BLTP1: variants seen among roughly 807,000 people sequenced by gnomAD.
The protein encoded by BLTP1 is bridge-like lipid transfer protein family member 1.
At chr4:122,257,487 T>A in the BLTP1 span, 4 of 1,613,928 alleles carry the variant, frequency 2.5e-6, no homozygotes, top group South Asian at 4.4e-5. Context: ...GAATTTGAGT[T>A]CGATGCAGGT....
the BLTP1 span, among the ~76,000 whole-genome samples, chr4:122,294,897 A>G: frequency 6.6e-6 from 1 of 152,204 alleles, no homozygotes; most frequent in East Asian, 1.9e-4. Context: ...GATAACCAAA[A>G]TAGCCATTTT....
At chr4:122,274,586 A>T in the BLTP1 span, 2 of 1,345,364 alleles carry the variant, frequency 1.5e-6, no homozygotes, top group Non-Finnish European at 1.9e-6. Flanking sequence ...CACCAAATAA[A>T]ATATTTTAGA....
At chr4:122,318,349 C>T in the BLTP1 span, 1 of 1,087,338 alleles carries the variant, frequency 9.2e-7, no homozygotes, top group Non-Finnish European at 1.4e-6. Flanking sequence ...GTACCAGGTA[C>T]CATCTAAAGC....
the BLTP1 span, among the ~76,000 whole-genome samples, chr4:122,303,428 C>T: frequency 6.6e-6 from 1 of 152,192 alleles, no homozygotes; most frequent in African/African-American, 2.4e-5. Flanking sequence ...ATGCCTAACA[C>T]ATTTCTTCTG....
chr4:122,166,342 A>C, the BLTP1 span, among the ~76,000 whole-genome samples: 7,585 of 152,170 alleles, frequency 0.05, 271 homozygotes, highest in Non-Finnish European at 0.074. Context: ...TCCTTTCCCC[A>C]TTTCTTGATT....
At chr4:122,254,795 T>C in the BLTP1 span, 10 of 1,521,672 alleles carry the variant, frequency 6.6e-6, no homozygotes, top group Non-Finnish European at 8.8e-6. Flanking sequence ...TTTTTATTTA[T>C]GTTAAAAAGG....
At chr4:122,269,558 CTTAT>C in the BLTP1 span, 1 of 985,162 alleles carries the variant, frequency 1.0e-6, no homozygotes, top group African/African-American at 1.7e-5. Context: ...ATCTTAAGCT[CTTAT>C]TTATTTGGAG....
chr4:122,173,266 C>T, the BLTP1 span: 1 of 1,109,692 alleles, frequency 9.0e-7, no homozygotes, highest in South Asian at 1.5e-5. Context: ...TAAAGAGAAG[C>T]AATTTATGTC....
At chr4:122,291,766 C>G in the BLTP1 span, 1 of 974,124 alleles carries the variant, frequency 1.0e-6, no homozygotes, top group South Asian at 4.7e-5. Context: ...ACATAAAATA[C>G]TATGGAATTA....
the BLTP1 span, chr4:122,243,049 C>A: frequency 6.2e-7 from 1 of 1,612,472 alleles, no homozygotes; most frequent in African/African-American, 1.3e-5. Flanking sequence ...AGGCATGCAA[C>A]TTTCAGGATC....
At chr4:122,279,841 A>G in the BLTP1 span, 1 of 1,614,000 alleles carries the variant, frequency 6.2e-7, no homozygotes, top group Non-Finnish European at 8.5e-7. Flanking sequence ...GGCTGAAGAC[A>G]AACAATGCTG....
At chr4:122,325,089 A>G in the BLTP1 span, 1 of 787,360 alleles carries the variant, frequency 1.3e-6, no homozygotes. Context: ...ATGGGATGCT[A>G]AAGGTTAAGA....
At chr4:122,316,568 A>G in the BLTP1 span, 2 of 915,868 alleles carry the variant, frequency 2.2e-6, no homozygotes, top group South Asian at 1.4e-5. Flanking sequence ...AACTAAATAG[A>G]TTCCTTATGA....
the BLTP1 span, among the ~76,000 whole-genome samples, chr4:122,269,917 A>G: frequency 6.6e-6 from 1 of 152,212 alleles, no homozygotes; most frequent in African/African-American, 2.4e-5. Context: ...CTTGTCAGGC[A>G]AATTGTTATG....
chr4:122,328,210 C>T, the BLTP1 span: 1 of 1,611,440 alleles, frequency 6.2e-7, no homozygotes, highest in Non-Finnish European at 8.5e-7. Context: ...TCTCCCAAAA[C>T]TCCAGGAGGC....
the BLTP1 span, chr4:122,210,105 G>A: frequency 2.2e-5 from 17 of 790,124 alleles, no homozygotes; most frequent in Non-Finnish European, 2.5e-5. Context: ...CAAATGTTGG[G>A]CCAAGCAATT....
chr4:122,183,322 C>T, the BLTP1 span: 35 of 840,798 alleles, frequency 4.2e-5, no homozygotes, highest in Middle Eastern at 6.3e-4. Context: ...GGGGACAGAG[C>T]GAGACCCTGT....
chr4:122,224,089 G>T, the BLTP1 span: 7 of 982,150 alleles, frequency 7.1e-6, no homozygotes, highest in Non-Finnish European at 4.8e-6. Flanking sequence ...TTCATTGTTT[G>T]GTCTTAATGG....
chr4:122,176,221 T>G, the BLTP1 span, among the ~76,000 whole-genome samples: 1 of 151,916 alleles, frequency 6.6e-6, no homozygotes, highest in Non-Finnish European at 1.5e-5. Context: ...GAGAATTGCT[T>G]GAACCCAGGA....
Sources: allele counts gnomAD v4.1 joint callset (sites outside exome capture counted in the v4.1 genomes callset), GRCh38; gene constraint gnomAD v4.1.1; transcripts MANE v1.5; gene names NCBI Gene and HGNC (gene_info 2026-07-23, HGNC 2026-07-21).